The following NPTX1 variants were observed in gnomAD, a reference collection of about 807,000 sequenced individuals.
The protein encoded by NPTX1 is neuronal pentraxin 1, also known as neuronal pentraxin-1.
A neutral mutation model predicts 38.7 loss-of-function variants in NPTX1; 12 were observed. The ratio of observed to expected loss-of-function variants is 0.31; its 90% confidence interval spans 0.20 to 0.50. NPTX1 has a LOEUF of 0.50. NPTX1 is among the 20% of genes least tolerant of loss of function. The pLI, the probability that NPTX1 is intolerant of heterozygous loss-of-function variation, is 0.98. For synonymous variants in NPTX1, 272 were observed against 264.9 expected (o/e 1.03, Z -0.26); for missense variants, 454 against 592.2 (o/e 0.77, Z 2.42).
At chr17:80,473,090 T>G in intron 3 of NPTX1, 110 bp downstream of exon 3, 10 of 1,283,582 alleles carry the variant, frequency 7.8e-6, no homozygotes, top group Non-Finnish European at 9.6e-6. Flanking sequence ...AACACTTTCC[T>G]TGGGGCCCCA....
rs1328502326 is a variant in NPTX1, at chr17:80,475,853, G to A, written c.445-135C>T. The A allele has an allele frequency of 2.4e-6, 2 of 838,808 alleles. No individual in the cohort carries two copies. Among genetic ancestry groups the A allele is most frequent in the South Asian group, 2.4e-5 (1 of 41,732 alleles). 52.0% of individuals were successfully genotyped at this position (838,808 alleles called of 1,614,324 possible). On this transcript the variant is annotated intron_variant, in intron 1 of 4. Transcript: ENST00000306773. This position sits in a 1 kb window ranked among gnomAD's most constrained non-coding sequence, Gnocchi z 6.5. The stretch of plus-strand genomic sequence containing the variant: ...GGGAGCTGGGGCGAGTGGCCGCCGC[G>A]GGGCCTCGCAGGCGCGGGGAGGCAC...
chr17:80,473,184 C>T lies in NPTX1; in HGVS notation c.897+16G>A. On this transcript the variant is annotated intron_variant, in intron 3 of 4. Coordinates refer to ENST00000306773, the MANE Select transcript of NPTX1 (RefSeq NM_002522.4). ...GGCCTCGCCCTGCCGCCCTGTGAGC[C>T]CGGGGGCTGCTCTACCTTGTCATTG... 4 of 1,609,674 alleles carry T rather than the reference C, an allele frequency of 2.5e-6. No homozygotes were observed. Among genetic ancestry groups the T allele is most frequent in the Non-Finnish European group, 3.4e-6 (4 of 1,178,862 alleles).
intron 2 of NPTX1, chr17:80,474,804 C>CG (rs1555705255): frequency 1.4e-5 from 2 of 140,310 alleles, no homozygotes; most frequent in African/African-American, 4.9e-5. Flanking sequence ...CCGGGCACCC[C>CG]CCCCCCTCCC....
At chr17:80,472,540 C>T (rs1191216900) in intron 3 of NPTX1, among the ~76,000 whole-genome samples, 2 of 152,186 alleles carry the variant, frequency 1.3e-5, no homozygotes, top group Non-Finnish European at 2.9e-5. Flanking sequence ...GGAAAGGGGG[C>T]CCAGAATGGC....
In NPTX1 at chr17:80,471,065, G is replaced by C. The variant is rs542585587; in HGVS notation, c.1078-31C>G. 21 of 1,530,754 alleles carry C rather than the reference G, an allele frequency of 1.4e-5. 1 individual carries two copies. The highest frequency in any genetic ancestry group is 1.8e-4 in the Middle Eastern group (1 of 5,448). The allele number at this position is 1,530,754 out of a possible 1,614,324, so 94.8% of individuals were successfully genotyped here. On this transcript the variant is annotated intron_variant, in intron 4 of 4. Coordinates refer to ENST00000306773, the MANE Select transcript of NPTX1 (RefSeq NM_002522.4). ...GAGAAAAACAGAGGATGAGAGTGGA[G>C]GGGTCGCCAGGTGGTCTGGGGGCCC... is the stretch of plus-strand genomic sequence containing the variant.
rs535036021 is a variant in NPTX1 at position 80,475,440 on chromosome 17, G to C, written c.652+71C>G. The C allele has an allele frequency of 8.8e-6, 11 of 1,254,848 alleles. No individual in the cohort carries two copies. The East Asian group carries it at 2.5e-4, about 28-fold the overall frequency. 77.7% of individuals were successfully genotyped at this position (1,254,848 alleles called of 1,614,324 possible). On this transcript the variant is annotated intron_variant, in intron 2 of 4. Transcript: ENST00000306773. This position sits in a 1 kb window ranked among gnomAD's most constrained non-coding sequence, Gnocchi z 6.5. ...TGCACAGTGCAGAGCTGGGCTGTTA[G>C]GGATCGGGACCGAGGCAGGGTCGGG...
rs2083871659 is a variant in NPTX1, at chr17:80,475,158, A to T, written c.652+353T>A. Among the ~76,000 whole-genome samples the T allele has an allele frequency of 6.6e-6, 1 of 152,168 alleles. No individual in the cohort carries two copies. The highest frequency in any genetic ancestry group is 2.1e-4 in the South Asian group (1 of 4,828). The stretch of plus-strand genomic sequence containing the variant: ...CAGGGAGAGACAGGCTTTCTTAAGC[A>T]GGGAGGGTTTGAGCCAGCGACAGCC... On this transcript the variant is annotated intron_variant, in intron 2 of 4. Coordinates refer to ENST00000306773, the MANE Select transcript of NPTX1 (RefSeq NM_002522.4). The surrounding 1 kb of genome is among the most constrained non-coding windows in gnomAD (Gnocchi z 6.5).
At position 80,468,354 on chromosome 17, in the gene NPTX1, C is replaced by T. The variant is rs1406689147; in HGVS notation, c.*2459G>A. The stretch of plus-strand genomic sequence containing the variant: ...AAGCACTGGGGTGTGCTCTGCCCCT[C>T]GCTAGTCAGGGCAGAGGATGGCTCA... On this transcript the variant is annotated 3_prime_UTR_variant, in exon 5 of 5. Coordinates refer to ENST00000306773, the MANE Select transcript of NPTX1 (RefSeq NM_002522.4). 1 of 152,456 alleles carries T rather than the reference C, an allele frequency of 6.6e-6. No individual in the cohort carries two copies. Among genetic ancestry groups the T allele is most frequent in the African/African-American group, 2.4e-5 (1 of 41,464 alleles). The allele number at this position is 152,456 out of a possible 1,614,324, so 9.4% of individuals were successfully genotyped here.
chr17:80,476,405 G>A lies in NPTX1; in HGVS notation c.42C>T (p.Ala14=), dbSNP rs1193493922. The A allele has an allele frequency of 8.6e-6, 13 of 1,506,840 alleles. No homozygotes were observed. Among genetic ancestry groups the A allele is most frequent in the African/African-American group, 2.9e-5 (2 of 69,078 alleles). The allele number at this position is 1,506,840 out of a possible 1,614,324, so 93.3% of individuals were successfully genotyped here. The change falls in exon 1 of 5, where the codon GCC becomes GCT. Residue 14 remains alanine, a synonymous_variant. Transcript: ENST00000306773. This position sits in a 1 kb window ranked among gnomAD's most constrained non-coding sequence, Gnocchi z 6.3. The stretch of plus-strand genomic sequence containing the variant: ...GGGCCCCGGCGCCCAGGAGGCAGAG[G>A]GCGAGCAGCGCACAGGTGCGCGCGG... ...GRAARTCALL[A]LCLLGAGAQD... is the part of the protein sequence containing the mutation.
intron 4 of NPTX1, 91 bp downstream of exon 4, chr17:80,471,641 C>A: frequency 3.3e-6 from 5 of 1,505,938 alleles, no homozygotes; most frequent in Admixed American, 4.1e-5. Context: ...ACCACTTCTC[C>A]GGCTACCTCC....
Position 80,470,735 on chromosome 17 carries a change from GAGA to G in NPTX1, c.*75_*77del. Reference sequence around the variant, plus strand: ...TCGGTTCATTCCTGGGGAAAAGGGAGAGAAGAGACGCACAAAACAGATCATCGC... The same window carrying G: ...TCGGTTCATTCCTGGGGAAAAGGGAGAGAGACGCACAAAACAGATCATCGC... On this transcript the variant is annotated 3_prime_UTR_variant, in exon 5 of 5. Transcript: ENST00000306773. 9.8e-7 allele frequency: 1 copy of G among 1,020,274 alleles called. No homozygotes were observed. The highest frequency in any genetic ancestry group is 1.5e-5 in the South Asian group (1 of 66,340). The allele number at this position is 1,020,274 out of a possible 1,614,324, so 63.2% of individuals were successfully genotyped here.
rs923498320 is a variant in NPTX1 at position 80,468,130 on chromosome 17, T to C, written c.*2683A>G. 8.5e-5 allele frequency: 13 copies of C among 152,738 alleles called. No individual in the cohort carries two copies. Among genetic ancestry groups the C allele is most frequent in the Admixed American group, 4.6e-4 (7 of 15,278 alleles). 9.5% of individuals were successfully genotyped at this position (152,738 alleles called of 1,614,324 possible). ...GTAAATGGGAACTACGTGGATTAGA[T>C]TTGCGGCTGTGTCATCGACCTTTCT... On this transcript the variant is annotated 3_prime_UTR_variant, in exon 5 of 5. Coordinates refer to ENST00000306773, the MANE Select transcript of NPTX1 (RefSeq NM_002522.4).
intron 4 of NPTX1, 54 bp downstream of exon 4, chr17:80,471,678 C>A: frequency 6.4e-7 from 1 of 1,565,754 alleles, no homozygotes; most frequent in South Asian, 1.2e-5. Context: ...CTTCCCCTTC[C>A]CAGCCTCTGG....
chr17:80,468,873 G>A lies in NPTX1; in HGVS notation c.*1940C>T, dbSNP rs1291304384. The A allele has an allele frequency of 3.3e-5, 5 of 152,274 alleles. No homozygotes were observed. Among genetic ancestry groups the A allele is most frequent in the Non-Finnish European group, 7.3e-5 (5 of 68,088 alleles). 9.4% of individuals were successfully genotyped at this position (152,274 alleles called of 1,614,324 possible). ...ACGCCACCCCGAGGAACATGCAAAC[G>A]GAGAAGATCCCTGCAGATCCAAGGA... is the stretch of plus-strand genomic sequence containing the variant. On this transcript the variant is annotated 3_prime_UTR_variant, in exon 5 of 5. Transcript: ENST00000306773.
chr17:80,475,996 C>A lies in NPTX1; in HGVS notation c.444+7G>T. On this transcript the variant is annotated splice_region_variant and intron_variant, in intron 1 of 4. Coordinates refer to ENST00000306773, the MANE Select transcript of NPTX1 (RefSeq NM_002522.4). The surrounding 1 kb of genome is among the most constrained non-coding windows in gnomAD (Gnocchi z 6.5). ...AGGGGGAACCGGAGCCGAGGGCGCG[C>A]GCGGACCTCGAGGTTCTCCAGGCGG... The A allele has an allele frequency of 1.2e-6, 2 of 1,600,416 alleles. No individual in the cohort carries two copies. Among genetic ancestry groups the A allele is most frequent in the Non-Finnish European group, 1.7e-6 (2 of 1,173,638 alleles).
rs754698619 is a variant in NPTX1 at position 80,470,826 on chromosome 17, C to T, written c.1286G>A (p.Arg429His). The T allele has an allele frequency of 2.3e-5, 36 of 1,593,240 alleles. No individual in the cohort carries two copies. The highest frequency in any genetic ancestry group is 2.2e-4 in the Admixed American group (13 of 59,544). ...GATKWTFEAC[R>H]QIN ...GGCCTGCCGTGCTCAGTTGATCTGGCGACAGGCCTCGAAGGTCCACTTGGT... is the reference window on the plus strand; with the variant it reads ...GGCCTGCCGTGCTCAGTTGATCTGGTGACAGGCCTCGAAGGTCCACTTGGT... The change falls in exon 5 of 5, where the codon CGC becomes CAC. Residue 429 changes from arginine (R) to histidine (H), a missense_variant. Arg to His is a conservative substitution (Grantham distance 29). This residue lies in a region of NPTX1 where 50 missense variants were observed against 54.0 expected (regional missense o/e 0.93). Coordinates refer to ENST00000306773, the MANE Select transcript of NPTX1 (RefSeq NM_002522.4).
In NPTX1 at chr17:80,466,938, G is replaced by A. The variant is rs1292530144; in HGVS notation, c.*3875C>T. On this transcript the variant is annotated 3_prime_UTR_variant, in exon 5 of 5. Coordinates refer to ENST00000306773, the MANE Select transcript of NPTX1 (RefSeq NM_002522.4). ...AAGCAAGAATACCAGTAGAAATAGT[G>A]CATTTCCAGAATTGCTGATGGGAGG... Among the ~76,000 whole-genome samples the A allele has an allele frequency of 1.3e-5, 2 of 150,716 alleles. No individual in the cohort carries two copies. The highest frequency in any genetic ancestry group is 4.9e-5 in the African/African-American group (2 of 41,054).
chr17:80,467,421 C>T lies in NPTX1; in HGVS notation c.*3392G>A, dbSNP rs747017597. The stretch of plus-strand genomic sequence containing the variant: ...TTCTATCAAGGTTAGAACTGATATT[C>T]AAATCCTCGGCTCATTCCACTTAGT... On this transcript the variant is annotated 3_prime_UTR_variant, in exon 5 of 5. Coordinates refer to ENST00000306773, the MANE Select transcript of NPTX1 (RefSeq NM_002522.4). 6.6e-6 allele frequency: 1 copy of T among 152,568 alleles called. No individual in the cohort carries two copies. The highest frequency in any genetic ancestry group is 1.5e-5 in the Non-Finnish European group (1 of 68,024). 9.5% of individuals were successfully genotyped at this position (152,568 alleles called of 1,614,324 possible).
At chr17:80,473,053 CT>C in intron 3 of NPTX1, 146 bp downstream of exon 3, 1 of 889,416 alleles carries the variant, frequency 1.1e-6, no homozygotes, top group Non-Finnish European at 1.7e-6. Context: ...GGTCTTCACC[CT>C]CCCCCTCCCT....
Sources: allele counts gnomAD v4.1 joint callset (sites outside exome capture counted in the v4.1 genomes callset), GRCh38; gene constraint gnomAD v4.1.1; regional missense constraint gnomAD v4.1.1; non-coding constraint Gnocchi (gnomAD v3.1); transcripts MANE v1.5; gene names NCBI Gene and HGNC (gene_info 2026-07-23, HGNC 2026-07-21).